USP9X: variants seen among roughly 807,000 people sequenced by gnomAD.
USP9X encodes the protein ubiquitin specific peptidase 9 X-linked, also known as ubiquitin carboxyl-terminal hydrolase 9X.
Under a neutral mutation model 190.3 loss-of-function variants are expected in USP9X, and 7 were observed. That is an observed-to-expected ratio of 0.04 (90% CI 0.02 to 0.07). The LOEUF is 0.07. Ranked by LOEUF, USP9X falls within the 10% of genes least tolerant of loss-of-function variation. The pLI is 1.00. For synonymous variants in USP9X, 645 were observed against 659.5 expected, an observed-to-expected ratio of 0.98 and a Z score of 0.34; for missense variants, 1,010 against 1,916.9, an observed-to-expected ratio of 0.53 and a Z score of 8.83.
intron 1 of USP9X, among the ~76,000 whole-genome samples, chrX:41,109,693 A>G (rs1370619788): frequency 3.6e-5 from 4 of 111,944 alleles, no homozygotes; most frequent in Non-Finnish European, 7.5e-5. Flanking sequence ...ACAAAGATTA[A>G]TTGGACATCT....
At chrX:41,218,759 A>T (rs1024285280) in intron 37 of USP9X, among the ~76,000 whole-genome samples, 162 bp downstream of exon 37, 1 of 112,507 alleles carries the variant, frequency 8.9e-6, no homozygotes, top group Non-Finnish European at 1.9e-5. Context: ...CTGCATGGCA[A>T]TGAATAGTAA....
rs780643359 is a variant in USP9X, at chrX:41,141,026, A to C, written c.831A>C (p.Pro277=). ...TLHTVKKYFL[P]IIEMVPQFLE... ...ATACAGTGAAAAAGTACTTTCTTCC[A>C]ATAATAGAAATGGTTCCACAGTTTT... is the stretch of plus-strand genomic sequence containing the variant. The change falls in exon 8 of 45, where the codon CCA becomes CCC. Residue 277 remains proline (P), a synonymous_variant. Transcript: ENST00000378308. The C allele has an allele frequency of 3.3e-6, 4 of 1,205,509 alleles. No individual in the cohort carries two copies. Among genetic ancestry groups the C allele is most frequent in the Admixed American group, 4.4e-5 (2 of 45,305 alleles).
At chrX:41,172,405 G>A (rs756671013) in intron 21 of USP9X, among the ~76,000 whole-genome samples, 14 of 111,434 alleles carry the variant, frequency 1.3e-4, no homozygotes, top group African/African-American at 4.2e-4. Context: ...TGTCATCTGC[G>A]GTATTGTTCC....
At chrX:41,221,247 G>A (rs752023475) in intron 38 of USP9X, among the ~76,000 whole-genome samples, 293 of 111,760 alleles carry the variant, frequency 2.6e-3, no homozygotes, top group African/African-American at 9.1e-3. Context: ...GGGAGACAAA[G>A]CGAGACTCCA....
intron 1 of USP9X, among the ~76,000 whole-genome samples, chrX:41,118,621 T>C (rs2062168020): frequency 9.0e-6 from 1 of 111,509 alleles, no homozygotes; most frequent in African/African-American, 3.3e-5. Context: ...CTTGGGAATA[T>C]ATAGTCGCTA....
intron 17 of USP9X, 31 bp downstream of exon 17, chrX:41,167,608 A>G (rs965569921): frequency 1.9e-6 from 2 of 1,058,062 alleles, no homozygotes; most frequent in Middle Eastern, 2.5e-4. Flanking sequence ...AAACTTCCAT[A>G]TATAATTCTT....
intron 44 of USP9X, among the ~76,000 whole-genome samples, chrX:41,231,587 T>C (rs1279536611): frequency 9.2e-6 from 1 of 109,101 alleles, no homozygotes; most frequent in East Asian, 2.9e-4. Flanking sequence ...ATTAGCCGGG[T>C]ATGGTGGTGG....
intron 32 of USP9X, among the ~76,000 whole-genome samples, chrX:41,207,801 C>T (rs1273297783): frequency 9.1e-6 from 1 of 110,488 alleles, no homozygotes; most frequent in Non-Finnish European, 1.9e-5. Flanking sequence ...CTTTTCCTCC[C>T]CTAACTAGGC....
At chrX:41,145,668 G>A (rs1293115690) in intron 11 of USP9X, among the ~76,000 whole-genome samples, 3 of 111,749 alleles carry the variant, frequency 2.7e-5, no homozygotes, top group African/African-American at 9.7e-5. Flanking sequence ...GTTACTTGCC[G>A]TGTATTATTT....
intron 26 of USP9X, among the ~76,000 whole-genome samples, chrX:41,192,583 G>A (rs747541689): frequency 1.3e-4 from 14 of 111,813 alleles, no homozygotes; most frequent in Non-Finnish European, 2.4e-4. Context: ...TTTAGAAAAG[G>A]AGTCAAGGAT....
chrX:41,175,321 A>G (rs1484491582), intron 21 of USP9X, among the ~76,000 whole-genome samples: 1 of 110,554 alleles, frequency 9.0e-6, no homozygotes, highest in Non-Finnish European at 1.9e-5. Context: ...AGGATTCATG[A>G]CCAGCCTGGG....
chrX:41,151,809 C>A (rs146558785), intron 13 of USP9X, among the ~76,000 whole-genome samples: 3 of 112,271 alleles, frequency 2.7e-5, no homozygotes, highest in African/African-American at 9.7e-5. Flanking sequence ...GGCGAAACCC[C>A]GTCTCTACTG....
intron 2 of USP9X, among the ~76,000 whole-genome samples, chrX:41,127,907 GT>G (rs2062270442): frequency 8.9e-6 from 1 of 112,273 alleles, no homozygotes; most frequent in Non-Finnish European, 1.9e-5. Context: ...ATAAAAATCA[GT>G]TTAAAATTTA....
At chrX:41,202,294 G>T (rs995090277) in intron 31 of USP9X, among the ~76,000 whole-genome samples, 1 of 111,911 alleles carries the variant, frequency 8.9e-6, no homozygotes, top group Non-Finnish European at 1.9e-5. Context: ...ATCCAGTGCA[G>T]TATAAAGCAG....
At chrX:41,111,844 ATTT>A (rs11349809) in intron 1 of USP9X, among the ~76,000 whole-genome samples, 8 of 87,254 alleles carry the variant, frequency 9.2e-5, no homozygotes, top group African/African-American at 4.3e-5. Flanking sequence ...GTCTTTGAAG[ATTT>A]TTTTTTTTTT....
intron 43 of USP9X, 175 bp downstream of exon 43, chrX:41,229,954 A>G: frequency 1.2e-6 from 1 of 861,013 alleles, no homozygotes; most frequent in East Asian, 3.5e-5. Flanking sequence ...TAATCCCAAC[A>G]CTTTGGGAGG....
Position 41,170,454 on chromosome X carries a change from A to G in USP9X, c.2878-16A>G. Reference sequence around the variant, plus strand: ...TTTTCCTTGTTTTTGATATTAACATAGTATATAATTTTCAGCTTATTACAG... The same window carrying G: ...TTTTCCTTGTTTTTGATATTAACATGGTATATAATTTTCAGCTTATTACAG... On this transcript the variant is annotated splice_polypyrimidine_tract_variant and intron_variant, in intron 19 of 44. Coordinates refer to ENST00000378308, the MANE Select transcript of USP9X (RefSeq NM_001039591.3). 2 of 1,203,626 alleles carry G rather than the reference A, an allele frequency of 1.7e-6. No individual in the cohort carries two copies. Among genetic ancestry groups the G allele is most frequent in the Non-Finnish European group, 2.2e-6 (2 of 889,806 alleles).
intron 1 of USP9X, among the ~76,000 whole-genome samples, chrX:41,112,538 T>C (rs2062117857): frequency 8.9e-6 from 1 of 112,145 alleles, no homozygotes; most frequent in Non-Finnish European, 1.9e-5. Context: ...CACCTACTGT[T>C]GTGCTTGATA....
intron 32 of USP9X, among the ~76,000 whole-genome samples, chrX:41,208,881 T>C (rs780656984): frequency 1.7e-4 from 19 of 110,490 alleles, no homozygotes; most frequent in African/African-American, 6.3e-4. Context: ...GCTAATTTTT[T>C]GTATTTTTAG....
Sources: gnomAD v4.1 joint callset for allele counts (sites outside exome capture counted in the v4.1 genomes callset) on GRCh38, gnomAD v4.1.1 for gene constraint, MANE v1.5 for transcripts, NCBI Gene and HGNC (gene_info 2026-07-23, HGNC 2026-07-21) for gene names.